ZNF91: variants seen among roughly 807,000 people sequenced by gnomAD.
ZNF91 encodes zinc finger protein 91, also known as zinc finger protein 91 (HPF7, HTF10).
In ZNF91, 7 loss-of-function variants were observed where a neutral mutation model predicts 12.6. That is an observed-to-expected ratio of 0.55 (90% confidence interval 0.31 to 1.04). The LOEUF is 1.04. Ranked by LOEUF, ZNF91 falls within the 50% of genes least tolerant of loss-of-function variation. The probability of loss-of-function intolerance (pLI) is 0.05; values close to 1 mark genes in which losing one functional copy is unlikely to be tolerated. For synonymous variants in ZNF91, 453 were observed against 462.6 expected (o/e 0.98, Z 0.27); for missense variants, 1,217 against 1,385.4 (o/e 0.88, Z 1.93).
Position 23,361,163 on chromosome 19 carries a change from C to T in ZNF91, c.1816G>A (p.Glu606Lys), listed in dbSNP as rs948153246. 1.2e-6 allele frequency: 2 copies of T among 1,613,516 alleles called. No individual in the cohort carries two copies. The highest frequency in any genetic ancestry group is 2.7e-5 in the African/African-American group (2 of 74,830). Reference protein sequence around the residue: ...HTGEKSYKCEECGKAFLWSST... With the variant: ...HTGEKSYKCEKCGKAFLWSST... ...GACCATAGAAATGCTTTGCCACATT[C>T]TTCACACTTGTAAGACTTCTCTCCA... The change falls in exon 4 of 4, where the codon GAA becomes AAA. Residue 606 changes from glutamate (E) to lysine (K), a missense_variant. This residue lies in a region of ZNF91 where 726 missense variants were observed against 895.5 expected (regional missense o/e 0.81). Transcript: ENST00000300619.
intron 1 of ZNF91, among the ~76,000 whole-genome samples, chr19:23,316,164 T>G (rs1967553573): frequency 7.6e-6 from 1 of 131,490 alleles, no homozygotes; most frequent in Non-Finnish European, 1.6e-5. Flanking sequence ...CTAGGTGAGG[T>G]GATTTTTTTT....
intron 1 of ZNF91, among the ~76,000 whole-genome samples, chr19:23,321,686 T>C (rs1042140002): frequency 6.6e-6 from 1 of 152,166 alleles, no homozygotes; most frequent in Admixed American, 6.5e-5. Flanking sequence ...GTGATGTGAC[T>C]TTCTTGCCTT....
chr19:23,384,695 T>G (rs1457420504), intron 1 of ZNF91: 2 of 589,298 alleles, frequency 3.4e-6, no homozygotes, highest in Non-Finnish European at 6.2e-6. Flanking sequence ...TTTGGAGATA[T>G]TTCCTTTCTT....
At chr19:23,321,341 C>T (rs1967690233) in intron 1 of ZNF91, among the ~76,000 whole-genome samples, 2 of 152,234 alleles carry the variant, frequency 1.3e-5, no homozygotes, top group South Asian at 4.1e-4. Flanking sequence ...AGTTTTCTCT[C>T]CTACCTTGGT....
chr19:23,346,097 T>C (rs1263488725), intron 3 of ZNF91, among the ~76,000 whole-genome samples: 3 of 152,144 alleles, frequency 2.0e-5, no homozygotes, highest in African/African-American at 7.2e-5. Flanking sequence ...AACATGTTGT[T>C]AGAGTTCACA....
In ZNF91 at chr19:23,362,036, T is replaced by C; in HGVS notation, c.943A>G (p.Ile315Val). ...HSSTLAKHKRIHTGEKPYKCE... is the reference protein window; with the variant it reads ...HSSTLAKHKRVHTGEKPYKCE... ...TTGTAGGGTTTCTCTCCAGTATGAA[T>C]TCTCTTATGTTTAGCAAGGGTTGAA... The change falls in exon 4 of 4, where the codon ATT (isoleucine) becomes GTT (valine). Residue 315 changes from isoleucine (I) to valine (V), a missense_variant. This residue lies in a region of ZNF91 where 726 missense variants were observed against 895.5 expected (regional missense o/e 0.81). Transcript: ENST00000300619. The C allele has an allele frequency of 6.2e-7, 1 of 1,613,986 alleles. No homozygotes were observed. Among genetic ancestry groups the C allele is most frequent in the South Asian group, 1.1e-5 (1 of 91,066 alleles).
intron 1 of ZNF91, among the ~76,000 whole-genome samples, chr19:23,332,438 G>A (rs148121140): frequency 6.6e-6 from 1 of 152,088 alleles, no homozygotes; most frequent in East Asian, 1.9e-4. Context: ...AGAAAACAGA[G>A]ACCCAGGGAG....
chr19:23,374,190 C>T (rs912296576), intron 2 of ZNF91, among the ~76,000 whole-genome samples: 1 of 151,912 alleles, frequency 6.6e-6, no homozygotes, highest in African/African-American at 2.4e-5. Flanking sequence ...TGAGGAAATT[C>T]TTTTCTAAAC....
At chr19:23,368,560 C>A (rs113816340) in intron 3 of ZNF91, among the ~76,000 whole-genome samples, 104,611 of 117,448 alleles carry the variant, frequency 0.89, 46,452 homozygotes, top group Middle Eastern at 0.93. Flanking sequence ...CTCTCTCTCT[C>A]TCTATATATA....
At chr19:23,385,089 C>T (rs889929963) in intron 1 of ZNF91, 3 of 906,424 alleles carry the variant, frequency 3.3e-6, no homozygotes, top group Admixed American at 1.8e-5. Context: ...GCAGGGACAG[C>T]CACTCCTCCA....
At chr19:23,366,946 T>C (rs372580508) in intron 3 of ZNF91, among the ~76,000 whole-genome samples, 1 of 152,320 alleles carries the variant, frequency 6.6e-6, no homozygotes, top group Non-Finnish European at 1.5e-5. Context: ...ATATGCAATA[T>C]TTTTATTTGC....
chr19:23,331,832 GATT>G (rs1210662477), intron 1 of ZNF91, among the ~76,000 whole-genome samples: 2 of 152,266 alleles, frequency 1.3e-5, no homozygotes, highest in East Asian at 3.9e-4. Flanking sequence ...TATGTTTAGA[GATT>G]ATTATTTATT....
chr19:23,353,135 T>A (rs1041169556), downstream of ZNF91, among the ~76,000 whole-genome samples: 1 of 152,150 alleles, frequency 6.6e-6, no homozygotes. Context: ...AAACATTTCA[T>A]CCAACAACCG....
chr19:23,354,903 G>A (rs1041969194), downstream of ZNF91, among the ~76,000 whole-genome samples: 1 of 151,832 alleles, frequency 6.6e-6, no homozygotes, highest in Non-Finnish European at 1.5e-5. Context: ...TATACCTAAC[G>A]AAGGAGTCGA....
chr19:23,324,268 CTCT>C (rs1362021666), intron 1 of ZNF91: 1 of 151,612 alleles, frequency 6.6e-6, no homozygotes, highest in Admixed American at 6.6e-5. Context: ...TCCACTTCCT[CTCT>C]TCTTACTATC....
At chr19:23,370,387 A>T (rs1270980122) in intron 3 of ZNF91, among the ~76,000 whole-genome samples, 2 of 152,264 alleles carry the variant, frequency 1.3e-5, no homozygotes, top group Non-Finnish European at 2.9e-5. Context: ...AGGGCTAGAG[A>T]GAGCATAAAA....
intron 1 of ZNF91, chr19:23,384,667 AG>A: frequency 1.8e-6 from 1 of 568,558 alleles, no homozygotes. Flanking sequence ...ATCGGCAAAG[AG>A]GGCCAAGCAT....
chr19:23,386,218 A>G (rs995177854), intron 1 of ZNF91, among the ~76,000 whole-genome samples: 1 of 152,180 alleles, frequency 6.6e-6, no homozygotes, highest in Admixed American at 6.6e-5. Flanking sequence ...CAATATCCTA[A>G]AAGTGATCAT....
chr19:23,371,527 C>T (rs1231741478), intron 3 of ZNF91, among the ~76,000 whole-genome samples: 3 of 151,972 alleles, frequency 2.0e-5, no homozygotes, highest in Non-Finnish European at 4.4e-5. Context: ...AACAGAATTG[C>T]AAATTGTCTA....
Sources: allele counts gnomAD v4.1 joint callset (sites outside exome capture counted in the v4.1 genomes callset), GRCh38; gene constraint gnomAD v4.1.1; regional missense constraint gnomAD v4.1.1; transcripts MANE v1.5; gene names NCBI Gene and HGNC (gene_info 2026-07-23, HGNC 2026-07-21).